Variants in CR1 observed in about 807,000 individuals in gnomAD.
CR1 encodes complement C3b/C4b receptor 1 (Knops blood group).
CR1 carries 116 observed loss-of-function variants against 187.3 expected under a neutral mutation model. The observed-to-expected ratio is 0.62, with a 90% CI of 0.53 to 0.72. CR1 has a LOEUF of 0.72. Ranked by LOEUF, CR1 falls within the 30% of genes least tolerant of loss-of-function variation. The pLI, the probability that CR1 is intolerant of heterozygous loss-of-function variation, is 0.00. For missense variants in CR1, 1,731 were observed against 2,110.7 expected, an observed-to-expected ratio of 0.82 and a Z score of 3.52; for synonymous variants, 576 against 747.1, an observed-to-expected ratio of 0.77 and a Z score of 3.73.
chr1:207,592,528 C>G (rs537162270), intron 35 of CR1, among the ~76,000 whole-genome samples: 2 of 152,240 alleles, frequency 1.3e-5, no homozygotes, highest in Admixed American at 6.5e-5. Flanking sequence ...GCTTTGAAAA[C>G]CAGCACAAGA....
chr1:207,505,853 G>A, intron 1 of CR1, 51 bp from the exon 2 acceptor site: 1 of 1,548,704 alleles, frequency 6.5e-7, no homozygotes, highest in Non-Finnish European at 8.7e-7. Context: ...AAAAAAAAAA[G>A]TATGGTAATT....
chr1:207,620,004 T>A lies in CR1; in HGVS notation c.7191T>A (p.Ser2397Arg). 6.2e-7 allele frequency: 1 copy of A among 1,613,902 alleles called. No homozygotes were observed. Among genetic ancestry groups the A allele is most frequent in the Non-Finnish European group, 8.5e-7 (1 of 1,179,876 alleles). Residue 2397 changes from serine (S) to arginine (R), a missense_variant, in exon 43 of 47, where the codon AGT becomes AGA. This residue lies in a region of CR1 where 1,312 missense variants were observed against 1,379.6 expected (regional missense o/e 0.95). Transcript: ENST00000367049. ...AAGATGGGTATACTCTGGAAGGCAG[T>A]CCCTGGAGCCAGTGCCAGGCGGATG... ...KCEDGYTLEG[S>R]PWSQCQADDR... is the part of the protein sequence containing the mutation.
At chr1:207,610,777 T>G (rs916392332) in intron 37 of CR1, among the ~76,000 whole-genome samples, 5 of 152,154 alleles carry the variant, frequency 3.3e-5, no homozygotes, top group South Asian at 4.1e-4. Flanking sequence ...GTTGTTCTTT[T>G]TGTTTATTTT....
At chr1:207,525,716 T>G (rs1217325859) in intron 5 of CR1, among the ~76,000 whole-genome samples, 1 of 152,020 alleles carries the variant, frequency 6.6e-6, no homozygotes, top group Non-Finnish European at 1.5e-5. Flanking sequence ...CAAAAGACAG[T>G]GCAGAAGTGT....
At chr1:207,587,347 C>G (rs368858042) in intron 33 of CR1, 39 bp from the exon 34 acceptor site, 1 of 1,567,012 alleles carries the variant, frequency 6.4e-7, no homozygotes, top group Non-Finnish European at 8.7e-7. Flanking sequence ...GTGGAAGTCT[C>G]TCTGCTAACT....
At chr1:207,612,186 G>C in intron 39 of CR1, 145 bp downstream of exon 39, 2 of 905,920 alleles carry the variant, frequency 2.2e-6, no homozygotes, top group South Asian at 1.6e-5. Context: ...TTTGAAATAA[G>C]GGTAGGGACT....
chr1:207,501,821 G>A (rs745846359), intron 1 of CR1, among the ~76,000 whole-genome samples: 30 of 152,100 alleles, frequency 2.0e-4, no homozygotes, highest in Non-Finnish European at 2.8e-4. Context: ...GGCATCAATG[G>A]ATAAGACAAA....
chr1:207,623,892 A>G (rs55850140), intron 45 of CR1, among the ~76,000 whole-genome samples: 3,015 of 119,280 alleles, frequency 0.025, 61 homozygotes, highest in Non-Finnish European at 0.034. Flanking sequence ...ATAAACAAAT[A>G]TTTTGTAAAC....
At chr1:207,634,067 G>A (rs1662734618) in intron 46 of CR1, among the ~76,000 whole-genome samples, 1 of 152,120 alleles carries the variant, frequency 6.6e-6, no homozygotes, top group African/African-American at 2.4e-5. Context: ...TTTTGTGGTG[G>A]AATGTCATCA....
chr1:207,601,585 T>C (rs1661605880), intron 35 of CR1, among the ~76,000 whole-genome samples: 1 of 152,180 alleles, frequency 6.6e-6, no homozygotes, highest in Admixed American at 6.5e-5. Context: ...ACTTGTCATT[T>C]TTCTGGTTTA....
At position 207,609,338 on chromosome 1, in the gene CR1, G is replaced by A; in HGVS notation, c.5945G>A (p.Ser1982Asn). Reference protein sequence around the residue: ...PPTISNGDFYSNNRTSFHNGT... With the variant: ...PPTISNGDFYNNNRTSFHNGT... Reference sequence around the variant, plus strand: ...ACCATATCCAATGGAGACTTCTACAGCAACAATAGAACATCTTTTCACAAT... The same window carrying A: ...ACCATATCCAATGGAGACTTCTACAACAACAATAGAACATCTTTTCACAAT... Residue 1982 changes from serine to asparagine, a missense_variant, in exon 37 of 47, where the codon AGC becomes AAC. This residue lies in a region of CR1 where 1,312 missense variants were observed against 1,379.6 expected (regional missense o/e 0.95). Transcript: ENST00000367049. 3 of 1,613,940 alleles carry A rather than the reference G, an allele frequency of 1.9e-6. No homozygotes were observed. The highest frequency in any genetic ancestry group is 2.5e-6 in the Non-Finnish European group (3 of 1,179,862).
In CR1 at chr1:207,616,925, A is replaced by T. The variant is rs545211384; in HGVS notation, c.6889+123A>T. The T allele has an allele frequency of 8.6e-5, 117 of 1,357,202 alleles. No individual in the cohort carries two copies. The African/African-American group carries it at 1.6e-3, about 18-fold the overall frequency. The allele number at this position is 1,357,202 out of a possible 1,614,324, so 84.1% of individuals were successfully genotyped here. On this transcript the variant is annotated intron_variant, in intron 41 of 46. Coordinates refer to ENST00000367049, the MANE Select transcript of CR1 (RefSeq NM_000651.6). ...GCTTTGCTGTAACTGTCAGAGACAG[A>T]ACTACCTCCCAAGTGAATGACAAAC...
In CR1 at chr1:207,580,337, T is replaced by C. The variant is rs774232392; in HGVS notation, c.5034T>C (p.Pro1678=). The change falls in exon 30 of 47, where the codon CCT becomes CCC. Residue 1678 remains proline (P), a synonymous_variant. Coordinates refer to ENST00000367049, the MANE Select transcript of CR1 (RefSeq NM_000651.6). The part of the protein sequence containing the change: ...PGQEVFYSCE[P]GYDLRGAASL... ...AGGAAGTGTTCTACAGCTGTGAGCC[T>C]GGCTATGACCTCAGAGGGGCTGCGT... The C allele has an allele frequency of 6.8e-6, 11 of 1,613,964 alleles. No individual in the cohort carries two copies. Among genetic ancestry groups the C allele is most frequent in the Admixed American group, 1.7e-5 (1 of 60,022 alleles).
chr1:207,593,769 AC>A (rs1391900144), intron 35 of CR1, among the ~76,000 whole-genome samples: 1 of 152,210 alleles, frequency 6.6e-6, no homozygotes, highest in African/African-American at 2.4e-5. Context: ...ACAAGAAAAA[AC>A]AACCCTATCG....
intron 41 of CR1, among the ~76,000 whole-genome samples, chr1:207,617,612 T>TATAG (rs1662180575): frequency 2.3e-4 from 5 of 22,086 alleles, no homozygotes; most frequent in Admixed American, 6.2e-4. Flanking sequence ...TATATATATA[T>TATAG]AGAGAGAGAG....
chr1:207,608,862 T>A (rs1339304819), intron 36 of CR1, among the ~76,000 whole-genome samples: 2 of 152,200 alleles, frequency 1.3e-5, no homozygotes, highest in Non-Finnish European at 2.9e-5. Flanking sequence ...CTGCCATTAT[T>A]TCATTTCTCA....
At chr1:207,579,781 A>G (rs1013949488) in intron 29 of CR1, among the ~76,000 whole-genome samples, 2 of 152,162 alleles carry the variant, frequency 1.3e-5, no homozygotes, top group Non-Finnish European at 2.9e-5. Context: ...GCCTTTCACT[A>G]ACAGATTGCT....
chr1:207,510,132 G>A (rs1451975028), intron 3 of CR1, among the ~76,000 whole-genome samples: 2 of 152,076 alleles, frequency 1.3e-5, no homozygotes, highest in Non-Finnish European at 2.9e-5. Flanking sequence ...TCTTGAATCC[G>A]GGAGGTGGAG....
chr1:207,595,285 G>GA (rs1287478366), intron 35 of CR1, among the ~76,000 whole-genome samples: 4 of 151,548 alleles, frequency 2.6e-5, no homozygotes, highest in African/African-American at 4.9e-5. Context: ...AGAAATTCCA[G>GA]AAAAAATAAA....
Sources: gnomAD v4.1 joint callset for allele counts (sites outside exome capture counted in the v4.1 genomes callset) on GRCh38, gnomAD v4.1.1 for gene constraint, gnomAD v4.1.1 regional missense constraint, MANE v1.5 for transcripts, NCBI Gene and HGNC (gene_info 2026-07-23, HGNC 2026-07-21) for gene names.